Variants in ZDHHC17 observed in about 807,000 individuals in gnomAD.
The protein encoded by ZDHHC17 is palmitoyltransferase ZDHHC17.
ZDHHC17 carries 40 observed loss-of-function variants against 90.3 expected under a neutral mutation model. The observed-to-expected ratio is 0.44, with a 90% CI of 0.34 to 0.58. ZDHHC17 has a LOEUF of 0.58. Ranked by LOEUF, ZDHHC17 falls within the 20% of genes least tolerant of loss-of-function variation. ZDHHC17 has a pLI of 0.01. For synonymous variants in ZDHHC17, 235 were observed against 252.4 expected, an observed-to-expected ratio of 0.93 and a Z score of 0.65; for missense variants, 614 against 780.8, an observed-to-expected ratio of 0.79 and a Z score of 2.55.
intron 1 of ZDHHC17, among the ~76,000 whole-genome samples, chr12:76,769,562 A>G (rs1056221562): frequency 2.0e-5 from 3 of 152,160 alleles, no homozygotes; most frequent in Admixed American, 2.0e-4. Context: ...CCTTCAAAGC[A>G]CTTCTTTATG....
At chr12:76,781,833 A>G (rs1316800242) in intron 1 of ZDHHC17, 5 of 374,370 alleles carry the variant, frequency 1.3e-5, no homozygotes, top group South Asian at 8.1e-5. Flanking sequence ...AAGTAGAGCT[A>G]CATGTATCAG....
In ZDHHC17 at chr12:76,822,328, T is replaced by C. The variant is rs1376803961; in HGVS notation, c.772-78T>C. 8 of 1,543,398 alleles carry C rather than the reference T, an allele frequency of 5.2e-6. No homozygotes were observed. In the Middle Eastern group the frequency reaches 6.9e-4, roughly 134 times the overall value. The stretch of plus-strand genomic sequence containing the variant: ...GTTAATAGGGCAGTAAATTAATTTT[T>C]ATAGAAGTTCTTTAAAGGTAACTAA... On this transcript the variant is annotated intron_variant, in intron 7 of 16. Transcript: ENST00000426126.
chr12:76,805,924 G>C (rs1234785756), intron 3 of ZDHHC17, among the ~76,000 whole-genome samples: 1 of 152,184 alleles, frequency 6.6e-6, no homozygotes, highest in Non-Finnish European at 1.5e-5. Context: ...ACCAGCATAA[G>C]TGATGAATAC....
chr12:76,830,451 A>C (rs1425175688), intron 10 of ZDHHC17, among the ~76,000 whole-genome samples: 2 of 136,882 alleles, frequency 1.5e-5, no homozygotes, highest in East Asian at 5.3e-4. Context: ...ATATTTTCTT[A>C]GTTTAAGTAT....
chr12:76,799,514 A>G (rs1952862477), intron 2 of ZDHHC17, among the ~76,000 whole-genome samples: 1 of 152,214 alleles, frequency 6.6e-6, no homozygotes, highest in Non-Finnish European at 1.5e-5. Flanking sequence ...CCTGGGCTCC[A>G]GGAAGAGCTT....
intron 15 of ZDHHC17, among the ~76,000 whole-genome samples, chr12:76,849,009 G>A (rs991226232): frequency 5.3e-5 from 8 of 150,994 alleles, no homozygotes; most frequent in Non-Finnish European, 1.0e-4. Context: ...TGTGCAGCCT[G>A]GCATGGTGGC....
chr12:76,805,374 A>G lies in ZDHHC17; in HGVS notation c.255A>G (p.Gln85=), dbSNP rs754745571. The stretch of plus-strand genomic sequence containing the variant: ...TGGAAGCAGGTTATGATGTACGGCA[A>G]CCGGACAAAGAAAATGTTACCCTCC... ...ELVEAGYDVR[Q]PDKENVTLLH... is the part of the protein sequence containing the mutation. Residue 85 remains glutamine (Q), a synonymous_variant, in exon 3 of 17, where the codon CAA becomes CAG. Coordinates refer to ENST00000426126, the MANE Select transcript of ZDHHC17 (RefSeq NM_015336.4). The G allele has an allele frequency of 1.2e-6, 2 of 1,603,554 alleles. No individual in the cohort carries two copies. The highest frequency in any genetic ancestry group is 1.7e-6 in the Non-Finnish European group (2 of 1,173,828).
intron 13 of ZDHHC17, 180 bp from the exon 14 acceptor site, chr12:76,846,416 A>G (rs937746220): frequency 1.8e-6 from 1 of 565,642 alleles, no homozygotes; most frequent in African/African-American, 1.9e-5. Flanking sequence ...TGTAATTGCA[A>G]GCATTCTTAT....
chr12:76,764,407 C>T, intron 1 of ZDHHC17, 78 bp downstream of exon 1: 6 of 1,390,586 alleles, frequency 4.3e-6, no homozygotes, highest in Non-Finnish European at 5.9e-6. Flanking sequence ...AGGGCGGCGG[C>T]CGACGTGTGT....
chr12:76,826,645 T>G (rs910160358), intron 8 of ZDHHC17, among the ~76,000 whole-genome samples: 1 of 152,216 alleles, frequency 6.6e-6, no homozygotes, highest in African/African-American at 2.4e-5. Flanking sequence ...CAGGTAGTAC[T>G]GTCTTCTATA....
intron 7 of ZDHHC17, among the ~76,000 whole-genome samples, chr12:76,819,522 A>G (rs1265047420): frequency 6.6e-6 from 1 of 152,182 alleles, no homozygotes; most frequent in Non-Finnish European, 1.5e-5. Context: ...TTTGTGTTAT[A>G]ATAATTCTAT....
chr12:76,779,282 T>C (rs1952597288), intron 1 of ZDHHC17, among the ~76,000 whole-genome samples: 1 of 152,214 alleles, frequency 6.6e-6, no homozygotes, highest in Non-Finnish European at 1.5e-5. Flanking sequence ...ACCTTTGTAT[T>C]AGTCTGTTCT....
At chr12:76,845,009 A>C (rs1953477095) in intron 12 of ZDHHC17, 2 of 150,012 alleles carry the variant, frequency 1.3e-5, no homozygotes, top group East Asian at 4.0e-4. Context: ...TGGATTCTTT[A>C]TTGCCTGTCA....
intron 9 of ZDHHC17, among the ~76,000 whole-genome samples, chr12:76,827,323 TCTGTTGAACTCTA>T: frequency 6.6e-6 from 1 of 152,216 alleles, no homozygotes; most frequent in Admixed American, 6.5e-5. Context: ...TGAATTTGAG[TCTGTTGAACTCTA>T]ACATACATAT....
At chr12:76,823,422 A>G (rs55676377) in intron 8 of ZDHHC17, among the ~76,000 whole-genome samples, 5,058 of 152,308 alleles carry the variant, frequency 0.033, 133 homozygotes, top group Middle Eastern at 0.075. Context: ...ATATGATACT[A>G]AAACTTAGAA....
intron 1 of ZDHHC17, among the ~76,000 whole-genome samples, chr12:76,789,499 A>G (rs947253750): frequency 6.6e-6 from 1 of 152,216 alleles, no homozygotes. Flanking sequence ...GAACATTTTG[A>G]TATATTGGTA....
chr12:76,845,187 G>C (rs1953479950), intron 12 of ZDHHC17: 1 of 152,118 alleles, frequency 6.6e-6, no homozygotes, highest in Admixed American at 6.6e-5. Flanking sequence ...GTACATATGG[G>C]TTTTTGCTGG....
chr12:76,803,661 T>A (rs1196805049), intron 2 of ZDHHC17, among the ~76,000 whole-genome samples: 1 of 152,186 alleles, frequency 6.6e-6, no homozygotes, highest in Non-Finnish European at 1.5e-5. Context: ...TAACCATAAA[T>A]ACAGATGGCC....
intron 1 of ZDHHC17, among the ~76,000 whole-genome samples, chr12:76,769,523 T>A (rs1477206761): frequency 6.6e-6 from 1 of 152,188 alleles, no homozygotes; most frequent in Non-Finnish European, 1.5e-5. Flanking sequence ...AAGTTGTTTT[T>A]CTTCCCATAG....
Sources: gnomAD v4.1 joint callset for allele counts (sites outside exome capture counted in the v4.1 genomes callset) on GRCh38, gnomAD v4.1.1 for gene constraint, MANE v1.5 for transcripts, NCBI Gene and HGNC (gene_info 2026-07-23, HGNC 2026-07-21) for gene names.